The following UBE3D variants were observed in gnomAD, a reference collection of about 807,000 sequenced individuals.
The protein encoded by UBE3D is E3 ubiquitin-protein ligase E3D.
A neutral mutation model predicts 49.6 loss-of-function variants in UBE3D; 48 were observed. The ratio of observed to expected loss-of-function variants is 0.97; its 90% CI spans 0.77 to 1.23. The LOEUF is 1.23. Ranked by LOEUF, UBE3D falls within the 50% of genes most tolerant of loss-of-function variation. The pLI is 0.00. For synonymous variants in UBE3D, 189 were observed against 174.2 expected (o/e 1.08, Z -0.67); for missense variants, 452 against 468.4 (o/e 0.96, Z 0.32).
chr6:82,943,324 C>T (rs1228269658), intron 9 of UBE3D, among the ~76,000 whole-genome samples: 2 of 152,144 alleles, frequency 1.3e-5, no homozygotes, highest in African/African-American at 4.8e-5. Flanking sequence ...TATCTACACA[C>T]AAAAAAGCAC....
intron 8 of UBE3D, among the ~76,000 whole-genome samples, chr6:82,994,543 T>C (rs1582580719): frequency 6.6e-6 from 1 of 152,180 alleles, no homozygotes; most frequent in East Asian, 1.9e-4. Context: ...GAGGCAGGGG[T>C]ATGATTGCAA....
chr6:82,911,202 A>AAAAAAC (rs1554183142), intron 9 of UBE3D, among the ~76,000 whole-genome samples: 2 of 148,790 alleles, frequency 1.3e-5, no homozygotes, highest in Non-Finnish European at 3.0e-5. Flanking sequence ...TTGGCAAAAA[A>AAAAAAC]AAAAAAAAAA....
rs779941384 is a variant in UBE3D, at chr6:82,963,843, T to C, written c.1011-6393A>G. On this transcript the variant is annotated intron_variant, in intron 8 of 9. Transcript: ENST00000369747. Reference sequence around the variant, plus strand: ...CATCATAAATATCAATACAAATGTCTGTTGATCAAGCATTTTAAGAACCAT... The same window carrying C: ...CATCATAAATATCAATACAAATGTCCGTTGATCAAGCATTTTAAGAACCAT... Among the ~76,000 whole-genome samples the C allele has an allele frequency of 3.8e-4, 58 of 152,308 alleles. 1 individual carries two copies. The highest frequency in any genetic ancestry group is 2.0e-3 in the Admixed American group (30 of 15,298).
At chr6:82,965,986 A>G (rs933438263) in intron 8 of UBE3D, among the ~76,000 whole-genome samples, 34 of 152,206 alleles carry the variant, frequency 2.2e-4, no homozygotes, top group Non-Finnish European at 8.8e-5. Context: ...AATATCCACA[A>G]TATAATTTAT....
chr6:82,934,908 A>C (rs1176046980), intron 9 of UBE3D, among the ~76,000 whole-genome samples: 6 of 142,258 alleles, frequency 4.2e-5, no homozygotes, highest in African/African-American at 1.6e-4. Flanking sequence ...AGTAAGTATG[A>C]GTGTGTATTT....
At chr6:83,038,082 G>T in intron 5 of UBE3D, 1 of 158,596 alleles carries the variant, frequency 6.3e-6, no homozygotes, top group Middle Eastern at 3.0e-3. Context: ...GAAGAAGAAA[G>T]AAGGAAACAA....
intron 4 of UBE3D, among the ~76,000 whole-genome samples, chr6:83,041,270 G>A (rs1431762095): frequency 1.3e-5 from 2 of 152,180 alleles, no homozygotes; most frequent in Non-Finnish European, 2.9e-5. Flanking sequence ...GGGGGCAGGA[G>A]AAGTGTTTTT....
chr6:82,952,306 T>C (rs1424964481), intron 9 of UBE3D, among the ~76,000 whole-genome samples: 1 of 152,072 alleles, frequency 6.6e-6, no homozygotes, highest in Non-Finnish European at 1.5e-5. Flanking sequence ...ACCTTCCTTA[T>C]GGAGGTATCA....
At chr6:82,894,081 C>G (rs1448184484) in intron 9 of UBE3D, 1 of 152,118 alleles carries the variant, frequency 6.6e-6, no homozygotes, top group Non-Finnish European at 1.5e-5. Context: ...AAGGTTGATT[C>G]CTAAACAAAA....
chr6:82,897,725 A>G (rs564523664), intron 9 of UBE3D, among the ~76,000 whole-genome samples: 1 of 151,238 alleles, frequency 6.6e-6, no homozygotes, highest in Non-Finnish European at 1.5e-5. Context: ...AGCAGCTAGC[A>G]AATATACTTG....
intron 8 of UBE3D, among the ~76,000 whole-genome samples, chr6:82,968,203 GT>G (rs908320198): frequency 6.6e-6 from 1 of 152,100 alleles, no homozygotes; most frequent in African/African-American, 2.4e-5. Context: ...ATGTAATCAA[GT>G]TTTTGTATTT....
intron 8 of UBE3D, among the ~76,000 whole-genome samples, chr6:82,972,553 T>C (rs888603977): frequency 6.6e-6 from 1 of 152,188 alleles, no homozygotes; most frequent in Admixed American, 6.5e-5. Flanking sequence ...GTAACTCTAG[T>C]AGAGTTGATT....
intron 1 of UBE3D, among the ~76,000 whole-genome samples, chr6:83,063,433 A>AG (rs1282650056): frequency 4.5e-4 from 68 of 150,668 alleles, no homozygotes; most frequent in African/African-American, 1.4e-3. Flanking sequence ...AAAAAAAAAA[A>AG]AAAAGAAAAG....
rs548593038 is a variant in UBE3D at position 82,964,514 on chromosome 6, C to T, written c.1011-7064G>A. 3.2e-4 allele frequency among the ~76,000 whole-genome samples: 49 copies of T among 152,248 alleles called. No individual in the cohort carries two copies. The Middle Eastern group carries it at 0.014, about 43-fold the overall frequency. On this transcript the variant is annotated intron_variant, in intron 8 of 9. Coordinates refer to ENST00000369747, the MANE Select transcript of UBE3D (RefSeq NM_198920.3). ...CTCATATTTTAGTAGATAATTTGAA[C>T]TCTTCAACCCTAGAAGAACCTAAGA...
chr6:82,981,748 G>C (rs1222852826), intron 8 of UBE3D, among the ~76,000 whole-genome samples: 1 of 151,856 alleles, frequency 6.6e-6, no homozygotes, highest in Non-Finnish European at 1.5e-5. Flanking sequence ...AAAGCTTTTG[G>C]AATACAACCA....
At position 83,009,901 on chromosome 6, in the gene UBE3D, C is replaced by T. The variant is rs745484764; in HGVS notation, c.1010+9072G>A. On this transcript the variant is annotated intron_variant, in intron 8 of 9. Coordinates refer to ENST00000369747, the MANE Select transcript of UBE3D (RefSeq NM_198920.3). ...AAAAGAGAAAATATCAAATAATACCCTATTTTTTTAAGGAAGTATTTATAA... is the reference window on the plus strand; with the variant it reads ...AAAAGAGAAAATATCAAATAATACCTTATTTTTTTAAGGAAGTATTTATAA... Among the ~76,000 whole-genome samples, 120 of 151,128 alleles carry T rather than the reference C, an allele frequency of 7.9e-4. 1 individual carries two copies. The highest frequency in any genetic ancestry group is 1.6e-3 in the Non-Finnish European group (107 of 67,812).
intron 5 of UBE3D, chr6:83,032,437 G>A (rs1781945416): frequency 2.8e-6 from 1 of 362,418 alleles, no homozygotes; most frequent in South Asian, 2.0e-5. Flanking sequence ...TGGAATGGGT[G>A]TATTTACCCA....
At chr6:83,060,478 A>G (rs1331800980) in intron 1 of UBE3D, among the ~76,000 whole-genome samples, 1 of 152,242 alleles carries the variant, frequency 6.6e-6, no homozygotes, top group Non-Finnish European at 1.5e-5. Context: ...AAATGCATGT[A>G]TGTACATAGG....
chr6:83,029,607 G>C (rs1355452273), intron 5 of UBE3D, among the ~76,000 whole-genome samples: 1 of 151,810 alleles, frequency 6.6e-6, no homozygotes, highest in Non-Finnish European at 1.5e-5. Context: ...TTTTTTTCTT[G>C]AGTATGAAAC....
Sources: allele counts gnomAD v4.1 joint callset (sites outside exome capture counted in the v4.1 genomes callset), GRCh38; gene constraint gnomAD v4.1.1; transcripts MANE v1.5; gene names NCBI Gene and HGNC (gene_info 2026-07-23, HGNC 2026-07-21).